The following RELCH variants were observed in gnomAD, a reference collection of about 807,000 sequenced individuals.
RELCH encodes the protein RAB11-binding protein RELCH.
RELCH carries 41 observed loss-of-function variants against 150.3 expected under a neutral mutation model. The ratio of observed to expected loss-of-function variants is 0.27; its 90% CI spans 0.21 to 0.35. RELCH has a LOEUF of 0.35. Among genes scored for constraint, RELCH ranks in the 10% least tolerant of loss-of-function variants. The probability of loss-of-function intolerance (pLI) is 1.00; values close to 1 mark genes in which losing one functional copy is unlikely to be tolerated. For missense variants in RELCH, 1,092 were observed against 1,467.8 expected (o/e 0.74, Z 4.18); for synonymous variants, 478 against 531.8 (o/e 0.90, Z 1.39).
At position 62,279,761 on chromosome 18, in the gene RELCH, G is replaced by A; in HGVS notation, c.2968-13G>A. 6.6e-7 allele frequency: 1 copy of A among 1,524,200 alleles called. No individual in the cohort carries two copies. The highest frequency in any genetic ancestry group is 8.8e-7 in the Non-Finnish European group (1 of 1,136,026). 94.4% of individuals were successfully genotyped at this position (1,524,200 alleles called of 1,614,324 possible). ...TGCATCACCTGTGAATACCCCCTGTGCTGACCAATCAGCTGTTGGTGAAGG... is the reference window on the plus strand; with the variant it reads ...TGCATCACCTGTGAATACCCCCTGTACTGACCAATCAGCTGTTGGTGAAGG... On this transcript the variant is annotated splice_polypyrimidine_tract_variant and intron_variant, in intron 22 of 28. Coordinates refer to ENST00000644646, the MANE Select transcript of RELCH (RefSeq NM_001346231.2).
rs112080934 is a variant in RELCH at position 62,298,093 on chromosome 18, T to TC, written c.3460-689dup. ...AATATTGTCTGTTTTATTTGCTTTATCCCCCCCCGTCTAAAAAGATACCTA... is the reference window on the plus strand; with the variant it reads ...AATATTGTCTGTTTTATTTGCTTTATCCCCCCCCCGTCTAAAAAGATACCTA... On this transcript the variant is annotated intron_variant, in intron 27 of 28. Coordinates refer to ENST00000644646, the MANE Select transcript of RELCH (RefSeq NM_001346231.2). Among the ~76,000 whole-genome samples, 1,404 of 149,610 alleles carry TC rather than the reference T, an allele frequency of 9.4e-3. 18 individuals are homozygous for TC. Among genetic ancestry groups the TC allele is most frequent in the Middle Eastern group, 0.027 (8 of 294 alleles).
intron 1 of RELCH, among the ~76,000 whole-genome samples, chr18:62,199,091 G>T: frequency 6.7e-6 from 1 of 150,218 alleles, no homozygotes. Flanking sequence ...TTTCTTGCCT[G>T]GTATCCTTGT....
At chr18:62,258,298 GGC>G (rs1441547802) in intron 14 of RELCH, among the ~76,000 whole-genome samples, 1 of 151,938 alleles carries the variant, frequency 6.6e-6, no homozygotes, top group Non-Finnish European at 1.5e-5. Flanking sequence ...ACAGCTTTCT[GGC>G]AGGAAATTGG....
At chr18:62,245,608 CAA>C (rs1281680103) in intron 11 of RELCH, among the ~76,000 whole-genome samples, 4 of 151,952 alleles carry the variant, frequency 2.6e-5, no homozygotes, top group Admixed American at 6.6e-5. Flanking sequence ...GCCTGGGAGA[CAA>C]GAGTGAAAGT....
chr18:62,274,450 T>C (rs1310422681), intron 21 of RELCH, among the ~76,000 whole-genome samples: 1 of 152,236 alleles, frequency 6.6e-6, no homozygotes, highest in African/African-American at 2.4e-5. Context: ...CACTGTTTGA[T>C]TTGCTTAGTC....
intron 8 of RELCH, among the ~76,000 whole-genome samples, chr18:62,229,160 T>C (rs1364783226): frequency 2.0e-5 from 3 of 152,136 alleles, no homozygotes; most frequent in African/African-American, 7.2e-5. Context: ...AATATAATTT[T>C]AAAACTTTTA....
At chr18:62,208,124 A>G (rs2076369924) in intron 1 of RELCH, among the ~76,000 whole-genome samples, 1 of 152,084 alleles carries the variant, frequency 6.6e-6, no homozygotes, top group African/African-American at 2.4e-5. Context: ...TTTGATTTTC[A>G]TTTCCCTAAT....
intron 16 of RELCH, among the ~76,000 whole-genome samples, chr18:62,262,120 G>GAAATATAAAAGA (rs1172889640): frequency 2.0e-5 from 3 of 152,024 alleles, no homozygotes; most frequent in Non-Finnish European, 4.4e-5. Context: ...TTGATAGAAA[G>GAAATATAAAAGA]AAATATAAAA....
At chr18:62,236,079 T>C (rs2041864408) in intron 10 of RELCH, among the ~76,000 whole-genome samples, 1 of 151,998 alleles carries the variant, frequency 6.6e-6, no homozygotes, top group African/African-American at 2.4e-5. Context: ...CTATGATGTT[T>C]GCTATAGAAT....
intron 14 of RELCH, 64 bp from the exon 15 acceptor site, chr18:62,258,445 TTTA>T: frequency 5.3e-6 from 7 of 1,325,864 alleles, no homozygotes; most frequent in Non-Finnish European, 7.3e-6. Flanking sequence ...TTTATTACTT[TTTA>T]TTAAGTGTTT....
intron 2 of RELCH, among the ~76,000 whole-genome samples, chr18:62,212,518 G>A (rs2040231995): frequency 1.3e-5 from 2 of 152,156 alleles, no homozygotes; most frequent in Non-Finnish European, 2.9e-5. Context: ...CATTTACTGG[G>A]ACAAGTTTTT....
chr18:62,298,899 T>C (rs770170053), intron 28 of RELCH, 39 bp downstream of exon 28: 1 of 1,152,384 alleles, frequency 8.7e-7, no homozygotes, highest in East Asian at 2.4e-5. Flanking sequence ...ACATGTTAAC[T>C]TTAATTTTTC....
Position 62,195,252 on chromosome 18 carries a change from ATAT to A in RELCH, c.526+7226_526+7228del, listed in dbSNP as rs1340003695. ...GAACCAATTAGATCTTTTATATGTA[ATAT>A]TATTTGCTGGAATATACACACACTC... is the stretch of plus-strand genomic sequence containing the variant. On this transcript the variant is annotated intron_variant, in intron 1 of 28. Transcript: ENST00000644646. 2.0e-5 allele frequency among the ~76,000 whole-genome samples: 3 copies of A among 150,492 alleles called. 1 individual carries two copies. The East Asian group carries it at 5.8e-4, about 29-fold the overall frequency.
At chr18:62,227,867 T>C (rs369253288) in intron 7 of RELCH, among the ~76,000 whole-genome samples, 178 bp downstream of exon 7, 1 of 152,136 alleles carries the variant, frequency 6.6e-6, no homozygotes, top group Admixed American at 6.6e-5. Flanking sequence ...AGGTTTTTTT[T>C]CCCAAAACAA....
At chr18:62,196,812 A>G (rs1374097119) in intron 1 of RELCH, among the ~76,000 whole-genome samples, 2 of 152,216 alleles carry the variant, frequency 1.3e-5, no homozygotes, top group Admixed American at 1.3e-4. Context: ...TTTAATGCAT[A>G]TCCTTGAGCT....
At chr18:62,230,783 C>G (rs1156838861) in intron 8 of RELCH, among the ~76,000 whole-genome samples, 3 of 152,170 alleles carry the variant, frequency 2.0e-5, no homozygotes, top group South Asian at 2.1e-4. Context: ...TAATTCCTCT[C>G]AGCAATATAC....
At chr18:62,198,504 T>G (rs1024692743) in intron 1 of RELCH, among the ~76,000 whole-genome samples, 12 of 152,180 alleles carry the variant, frequency 7.9e-5, no homozygotes, top group African/African-American at 2.9e-4. Flanking sequence ...AACCAGCTGG[T>G]CCTGTTGTGG....
At chr18:62,290,965 T>C (rs1224097811) in intron 26 of RELCH, among the ~76,000 whole-genome samples, 1 of 152,250 alleles carries the variant, frequency 6.6e-6, no homozygotes, top group Non-Finnish European at 1.5e-5. Flanking sequence ...TGATTATAGT[T>C]AAACATCTTC....
At chr18:62,243,968 A>G (rs908680027) in intron 10 of RELCH, among the ~76,000 whole-genome samples, 1 of 152,010 alleles carries the variant, frequency 6.6e-6, no homozygotes, top group Admixed American at 6.6e-5. Context: ...AAAATATTTT[A>G]TTACTTTTGG....
Sources: gnomAD v4.1 joint callset for allele counts (sites outside exome capture counted in the v4.1 genomes callset) on GRCh38, gnomAD v4.1.1 for gene constraint, MANE v1.5 for transcripts, NCBI Gene and HGNC (gene_info 2026-07-23, HGNC 2026-07-21) for gene names.